Variants in TMOD2 observed in about 807,000 individuals in gnomAD.
TMOD2 encodes tropomodulin 2.
TMOD2 carries 22 observed loss-of-function variants against 39.9 expected under a neutral mutation model. The observed-to-expected ratio is 0.55, with a 90% confidence interval of 0.39 to 0.79. The LOEUF is 0.79. Among genes scored for constraint, TMOD2 ranks in the 30% least tolerant of loss-of-function variants. The pLI, the probability that TMOD2 is intolerant of heterozygous loss-of-function variation, is 0.00. For synonymous variants in TMOD2, 123 were observed against 146.1 expected, an observed-to-expected ratio of 0.84 and a Z score of 1.14; for missense variants, 386 against 413.3, an observed-to-expected ratio of 0.93 and a Z score of 0.57.
chr15:51,810,395 A>T lies in TMOD2; in HGVS notation c.*1941A>T, dbSNP rs191260291. 5.9e-5 allele frequency: 9 copies of T among 152,334 alleles called. No homozygotes were observed. Among genetic ancestry groups the T allele is most frequent in the African/African-American group, 1.7e-4 (7 of 41,586 alleles). The allele number at this position is 152,334 out of a possible 1,614,324, so 9.4% of individuals were successfully genotyped here. A position where few individuals can be genotyped will look rare whatever the true frequency, so the allele number is the denominator to read the frequency against. ...CTTAGATTATTTACATCTAGTAGGT[A>T]TGTATGTAGAAATATTACCAAACAG... On this transcript the variant is annotated 3_prime_UTR_variant, in exon 10 of 10. Coordinates refer to ENST00000249700, the MANE Select transcript of TMOD2 (RefSeq NM_014548.4).
chr15:51,763,131 G>T (rs111859152), intron 1 of TMOD2, among the ~76,000 whole-genome samples: 1 of 152,156 alleles, frequency 6.6e-6, no homozygotes, highest in South Asian at 2.1e-4. Flanking sequence ...TAGAAACGGG[G>T]TCTCACTGTG....
At chr15:51,800,211 A>G (rs985884238) in intron 8 of TMOD2, among the ~76,000 whole-genome samples, 2 of 152,228 alleles carry the variant, frequency 1.3e-5, no homozygotes, top group African/African-American at 4.8e-5. Flanking sequence ...ATGAGCTAGA[A>G]TTGTGAAAAT....
chr15:51,762,661 C>CA (rs1271689156), intron 1 of TMOD2, among the ~76,000 whole-genome samples: 1 of 152,108 alleles, frequency 6.6e-6, no homozygotes, highest in Non-Finnish European at 1.5e-5. Context: ...GCAACATCCC[C>CA]AAAAGGTTCC....
chr15:51,790,664 G>C (rs910530563), intron 7 of TMOD2, among the ~76,000 whole-genome samples: 1 of 152,134 alleles, frequency 6.6e-6, no homozygotes. Context: ...CTATGATCAA[G>C]TCGCCTTCAT....
chr15:51,803,066 C>G (rs2056100068), intron 8 of TMOD2, among the ~76,000 whole-genome samples: 1 of 150,826 alleles, frequency 6.6e-6, no homozygotes, highest in Non-Finnish European at 1.5e-5. Flanking sequence ...AATATACTAG[C>G]AGAGCAATAA....
rs1363544211 is a variant in TMOD2 at position 51,781,103 on chromosome 15, G to A, written c.553G>A (p.Val185Met). The change falls in exon 6 of 10, where the codon GTG becomes ATG. Residue 185 changes from valine to methionine, a missense_variant. By Grantham distance (21) the Val-to-Met change is conservative (BLOSUM62 1). Transcript: ENST00000249700. ...TGAGGAACCACCAAATCCCACAAAT[G>A]TGGAAATAAGCCTGCAGCAGATGAA... is the stretch of plus-strand genomic sequence containing the variant. Reference protein sequence around the residue: ...VFEEPPNPTNVEISLQQMKAN... With the variant: ...VFEEPPNPTNMEISLQQMKAN... 1 of 1,612,930 alleles carries A rather than the reference G, an allele frequency of 6.2e-7. No homozygotes were observed. The highest frequency in any genetic ancestry group is 1.7e-5 in the Admixed American group (1 of 59,616).
At chr15:51,762,827 C>T (rs1210641676) in intron 1 of TMOD2, among the ~76,000 whole-genome samples, 2 of 152,160 alleles carry the variant, frequency 1.3e-5, no homozygotes, top group Admixed American at 6.5e-5. Context: ...TCTTCTTTCT[C>T]TCATTATAAT....
chr15:51,753,957 C>A (rs1057211760), intron 1 of TMOD2, among the ~76,000 whole-genome samples: 1 of 151,780 alleles, frequency 6.6e-6, no homozygotes. Context: ...TTGTAGAAGA[C>A]GGGGGTGGTT....
chr15:51,814,785 C>T lies in TMOD2; in HGVS notation c.*6331C>T, dbSNP rs1451921319. ...ACTTGACAAGCTTGTGATTCTAAAT[C>T]GTTTCCGTTGCCTCTGAACATGGGT... On this transcript the variant is annotated 3_prime_UTR_variant, in exon 10 of 10. Coordinates refer to ENST00000249700, the MANE Select transcript of TMOD2 (RefSeq NM_014548.4). The T allele has an allele frequency of 1.3e-5, 2 of 152,192 alleles. No homozygotes were observed. The highest frequency in any genetic ancestry group is 6.5e-5 in the Admixed American group (1 of 15,284). 9.4% of individuals were successfully genotyped at this position (152,192 alleles called of 1,614,324 possible).
chr15:51,757,443 C>G (rs1265197093), intron 1 of TMOD2, among the ~76,000 whole-genome samples: 1 of 150,498 alleles, frequency 6.6e-6, no homozygotes, highest in Non-Finnish European at 1.5e-5. Context: ...CCTTATTTTC[C>G]TTCCCAAGGC....
chr15:51,798,262 C>T lies in TMOD2; in HGVS notation c.798C>T (p.Ile266=). Residue 266 remains isoleucine (I), a synonymous_variant, in exon 8 of 10, where the codon ATC becomes ATT. Coordinates refer to ENST00000249700, the MANE Select transcript of TMOD2 (RefSeq NM_014548.4). ...GTCTAAACATAGAATCCAATTTTATCACTGGAACTGGGATCCTGGCCCTGG... is the reference window on the plus strand; with the variant it reads ...GTCTAAACATAGAATCCAATTTTATTACTGGAACTGGGATCCTGGCCCTGG... ...LTSLNIESNF[I]TGTGILALVE... 6.2e-7 allele frequency: 1 copy of T among 1,613,766 alleles called. No homozygotes were observed. Among genetic ancestry groups the T allele is most frequent in the Non-Finnish European group, 8.5e-7 (1 of 1,179,886 alleles).
Position 51,772,667 on chromosome 15 carries a change from C to T in TMOD2, c.284-1045C>T, listed in dbSNP as rs574963465. On this transcript the variant is annotated intron_variant, in intron 3 of 9. Transcript: ENST00000249700. ...GCTGCTCACAGAACCCCACTAGCTC[C>T]GAGTATAGTGACCCTGATTTTTCCT... 5.3e-5 allele frequency among the ~76,000 whole-genome samples: 8 copies of T among 152,262 alleles called. No individual in the cohort carries two copies. The East Asian group carries it at 9.6e-4, about 18-fold the overall frequency.
intron 8 of TMOD2, among the ~76,000 whole-genome samples, chr15:51,801,090 A>T (rs763404197): frequency 6.6e-6 from 1 of 152,120 alleles, no homozygotes; most frequent in Non-Finnish European, 1.5e-5. Flanking sequence ...TGTAATCCCA[A>T]TGCATTGCAA....
Position 51,757,618 on chromosome 15 carries a change from A to G in TMOD2, c.-70+5906A>G, listed in dbSNP as rs2055751476. Among the ~76,000 whole-genome samples the G allele has an allele frequency of 4.6e-5, 7 of 152,260 alleles. No individual in the cohort carries two copies. In the South Asian group the frequency reaches 1.5e-3, roughly 32 times the overall value. On this transcript the variant is annotated intron_variant, in intron 1 of 9. Coordinates refer to ENST00000249700, the MANE Select transcript of TMOD2 (RefSeq NM_014548.4). ...TTTGCTTCACTCCAGCATGTACATT[A>G]GCATCATATTGCATGTTAAATGCTT...
At chr15:51,757,155 A>G (rs953190575) in intron 1 of TMOD2, among the ~76,000 whole-genome samples, 1 of 152,204 alleles carries the variant, frequency 6.6e-6, no homozygotes, top group African/African-American at 2.4e-5. Context: ...TAATCCCAGC[A>G]CTTTGGGATG....
At chr15:51,766,274 T>C in intron 1 of TMOD2, 99 bp from the exon 2 acceptor site, 1 of 565,402 alleles carries the variant, frequency 1.8e-6, no homozygotes, top group South Asian at 2.9e-5. Flanking sequence ...ATTCATTCAA[T>C]ACAGTAGGCT....
chr15:51,751,807 C>T (rs2055705477), intron 1 of TMOD2, 95 bp downstream of exon 1: 1 of 150,588 alleles, frequency 6.6e-6, no homozygotes, highest in Non-Finnish European at 1.5e-5. Flanking sequence ...CCCTCCCTGC[C>T]CGCGGGAGGA....
rs935559788 is a variant in TMOD2, at chr15:51,809,066, G to A, written c.*612G>A. 4 of 152,510 alleles carry A rather than the reference G, an allele frequency of 2.6e-5. No individual in the cohort carries two copies. Among genetic ancestry groups the A allele is most frequent in the Admixed American group, 2.6e-4 (4 of 15,280 alleles). The allele number at this position is 152,510 out of a possible 1,614,324, so 9.4% of individuals were successfully genotyped here. Reference sequence around the variant, plus strand: ...GACAACATTATGACACTTTAAAACAGTAGCAAAGAAGTCTATTTATTAACC... The same window carrying A: ...GACAACATTATGACACTTTAAAACAATAGCAAAGAAGTCTATTTATTAACC... On this transcript the variant is annotated 3_prime_UTR_variant, in exon 10 of 10. Transcript: ENST00000249700.
In TMOD2 at chr15:51,808,630, A is replaced by C. The variant is rs899306363; in HGVS notation, c.*176A>C. 2 of 457,698 alleles carry C rather than the reference A, an allele frequency of 4.4e-6. No homozygotes were observed. The highest frequency in any genetic ancestry group is 8.3e-5 in the Admixed American group (2 of 23,982). 28.4% of individuals were successfully genotyped at this position (457,698 alleles called of 1,614,324 possible). ...ACTTATTTATCTTGGATTTTGTAAT[A>C]TATGCAATTGTTTTATTTGCTCATG... On this transcript the variant is annotated 3_prime_UTR_variant, in exon 10 of 10. Transcript: ENST00000249700.
Sources: gnomAD v4.1 joint callset for allele counts (sites outside exome capture counted in the v4.1 genomes callset) on GRCh38, gnomAD v4.1.1 for gene constraint, MANE v1.5 for transcripts, NCBI Gene and HGNC (gene_info 2026-07-23, HGNC 2026-07-21) for gene names.